METAP1D: variants seen among roughly 807,000 people sequenced by gnomAD.
The protein encoded by METAP1D is methionyl aminopeptidase type 1D, mitochondrial.
A neutral mutation model predicts 40.5 loss-of-function variants in METAP1D; 31 were observed. That is an observed-to-expected ratio of 0.77 (90% CI 0.58 to 1.03). The LOEUF (loss-of-function observed/expected upper bound fraction) is 1.03. Ranked by LOEUF, METAP1D falls within the 50% of genes least tolerant of loss-of-function variation. The pLI is 0.00. For synonymous variants in METAP1D, 151 were observed against 146.4 expected, an observed-to-expected ratio of 1.03 and a Z score of -0.22; for missense variants, 411 against 420.7, an observed-to-expected ratio of 0.98 and a Z score of 0.20.
At position 172,000,028 on chromosome 2, in the gene METAP1D, G is replaced by T. The variant is rs369431181; in HGVS notation, c.40+19G>T. The T allele has an allele frequency of 6.2e-4, 809 of 1,306,482 alleles. No individual in the cohort carries two copies. The highest frequency in any genetic ancestry group is 7.3e-4 in the Non-Finnish European group (741 of 1,017,520). The allele number at this position is 1,306,482 out of a possible 1,614,324, so 80.9% of individuals were successfully genotyped here. A position where few individuals can be genotyped will look rare whatever the true frequency, so the allele number is the denominator to read the frequency against. ...CGCAGAGGTAAGCGCGTGGAGGAGA[G>T]CCCCGTGAGGGTTCGCACGGTTGCT... On this transcript the variant is annotated intron_variant, in intron 1 of 9. Coordinates refer to ENST00000315796, the MANE Select transcript of METAP1D (RefSeq NM_199227.3).
At chr2:172,072,345 C>T (rs983144774) in intron 6 of METAP1D, 1 of 167,224 alleles carries the variant, frequency 6.0e-6, no homozygotes, top group Admixed American at 6.5e-5. Flanking sequence ...AAAATTTATT[C>T]TTCAGTAGAA....
intron 1 of METAP1D, among the ~76,000 whole-genome samples, chr2:172,018,703 A>G (rs1688936294): frequency 6.6e-6 from 1 of 152,120 alleles, no homozygotes; most frequent in Non-Finnish European, 1.5e-5. Flanking sequence ...GATTAAGTGA[A>G]CAACTGCATA....
At chr2:172,043,260 C>CA (rs1361371137) in intron 1 of METAP1D, among the ~76,000 whole-genome samples, 4 of 129,998 alleles carry the variant, frequency 3.1e-5, no homozygotes, top group East Asian at 4.0e-4. Flanking sequence ...CAGATCCTTA[C>CA]AAAAAAAATA....
At chr2:172,075,465 C>A (rs370017216) in intron 6 of METAP1D, among the ~76,000 whole-genome samples, 1 of 152,154 alleles carries the variant, frequency 6.6e-6, no homozygotes, top group South Asian at 2.1e-4. Flanking sequence ...TTTCCATTTT[C>A]CCCAGCATGC....
intron 6 of METAP1D, among the ~76,000 whole-genome samples, chr2:172,071,860 C>G (rs965233148): frequency 1.3e-5 from 2 of 152,104 alleles, no homozygotes; most frequent in Non-Finnish European, 2.9e-5. Flanking sequence ...TCCCATTTGT[C>G]TAAAGGATGG....
chr2:172,016,298 A>ATATATATATATATATAT (rs1246120334), intron 1 of METAP1D, among the ~76,000 whole-genome samples: 1 of 57,908 alleles, frequency 1.7e-5, no homozygotes, highest in Non-Finnish European at 3.7e-5. Flanking sequence ...AAAAAAAAAA[A>ATATATATATATATATAT]AAATATATAT....
chr2:172,059,625 T>C (rs1391578041), intron 1 of METAP1D, among the ~76,000 whole-genome samples: 3 of 152,228 alleles, frequency 2.0e-5, no homozygotes, highest in Non-Finnish European at 4.4e-5. Flanking sequence ...AAAGTTTTTT[T>C]CAACCATTTA....
Position 172,080,550 on chromosome 2 carries a change from G to C in METAP1D, c.*144G>C. 1 of 809,138 alleles carries C rather than the reference G, an allele frequency of 1.2e-6. No individual in the cohort carries two copies. Among genetic ancestry groups the C allele is most frequent in the Non-Finnish European group, 2.0e-6 (1 of 503,400 alleles). 50.1% of individuals were successfully genotyped at this position (809,138 alleles called of 1,614,324 possible). A position where few individuals can be genotyped will look rare whatever the true frequency, so the allele number is the denominator to read the frequency against. On this transcript the variant is annotated 3_prime_UTR_variant, in exon 10 of 10. Coordinates refer to ENST00000315796, the MANE Select transcript of METAP1D (RefSeq NM_199227.3). ...CTGATAGCGTTTGGAAGAACGCGGG[G>C]GAGACTGAAGAGCAACTGGGAACTC...
rs1019762014 is a variant in METAP1D at position 172,028,397 on chromosome 2, G to A, written c.40+28388G>A. ...CAGAGGGAGGTGGGGTCAGACCATT[G>A]CAGGCCCTCAAGGCCATAATGGGAA... On this transcript the variant is annotated intron_variant, in intron 1 of 9. Coordinates refer to ENST00000315796, the MANE Select transcript of METAP1D (RefSeq NM_199227.3). 6.9e-4 allele frequency among the ~76,000 whole-genome samples: 105 copies of A among 152,196 alleles called. 1 individual carries two copies. The highest frequency in any genetic ancestry group is 2.4e-3 in the African/African-American group (99 of 41,432).
intron 1 of METAP1D, among the ~76,000 whole-genome samples, chr2:172,022,480 T>A (rs1689030418): frequency 6.6e-6 from 1 of 152,182 alleles, no homozygotes; most frequent in Non-Finnish European, 1.5e-5. Context: ...ACAAAAAGAA[T>A]GACAGCAGTT....
At chr2:172,038,323 A>G (rs1443942919) in intron 1 of METAP1D, among the ~76,000 whole-genome samples, 1 of 152,178 alleles carries the variant, frequency 6.6e-6, no homozygotes, top group African/African-American at 2.4e-5. Context: ...CACATTGTTT[A>G]TGTCGGAAAA....
intron 1 of METAP1D, among the ~76,000 whole-genome samples, chr2:172,017,291 A>G (rs1688892639): frequency 6.6e-6 from 1 of 151,138 alleles, no homozygotes; most frequent in Non-Finnish European, 1.5e-5. Context: ...ATATATACAC[A>G]TATATAAAAC....
chr2:172,077,950 T>G (rs926534561), intron 7 of METAP1D, 56 bp downstream of exon 7: 4 of 1,000,420 alleles, frequency 4.0e-6, no homozygotes, highest in Non-Finnish European at 6.3e-6. Flanking sequence ...TGTGGCAGCT[T>G]TGACCCTGAA....
intron 1 of METAP1D, among the ~76,000 whole-genome samples, chr2:172,033,779 T>C (rs1339481523): frequency 2.0e-5 from 3 of 151,786 alleles, no homozygotes; most frequent in Non-Finnish European, 4.4e-5. Flanking sequence ...TATTAAACCA[T>C]TAAAAAGAGT....
In METAP1D at chr2:172,012,601, G is replaced by A. The variant is rs1158048785; in HGVS notation, c.40+12592G>A. 2.0e-5 allele frequency among the ~76,000 whole-genome samples: 3 copies of A among 152,166 alleles called. No homozygotes were observed. In the South Asian group the frequency reaches 6.2e-4, roughly 32 times the overall value. ...AATCACAGCTGCGGAAGACAGTCTC[G>A]CAAAGCCAGTTTTTGTGGCTTAGTA... is the stretch of plus-strand genomic sequence containing the variant. On this transcript the variant is annotated intron_variant, in intron 1 of 9. Coordinates refer to ENST00000315796, the MANE Select transcript of METAP1D (RefSeq NM_199227.3).
intron 8 of METAP1D, 27 bp from the exon 9 acceptor site, chr2:172,080,101 C>T: frequency 6.3e-7 from 1 of 1,582,644 alleles, no homozygotes. Flanking sequence ...GATGAGGTCA[C>T]TGCAGTAAAT....
intron 2 of METAP1D, among the ~76,000 whole-genome samples, chr2:172,062,637 A>AGCATTTGTGG (rs71015614): frequency 0.045 from 6,784 of 152,154 alleles, 192 homozygotes; most frequent in African/African-American, 0.066. Context: ...AGACCTGGTG[A>AGCATTTGTGG]GCATTTGTGG....
intron 3 of METAP1D, 149 bp downstream of exon 3, chr2:172,064,009 G>A (rs2105479147): frequency 2.9e-6 from 3 of 1,020,504 alleles, no homozygotes; most frequent in East Asian, 6.3e-5. Context: ...TAAAAATTAA[G>A]TAAAGCCTTG....
chr2:172,069,683 T>A (rs1408717709), intron 5 of METAP1D, among the ~76,000 whole-genome samples: 1 of 152,214 alleles, frequency 6.6e-6, no homozygotes. Context: ...AAAACACTAT[T>A]CTGTTGCAAG....
Sources: gnomAD v4.1 joint callset for allele counts (sites outside exome capture counted in the v4.1 genomes callset) on GRCh38, gnomAD v4.1.1 for gene constraint, MANE v1.5 for transcripts, NCBI Gene and HGNC (gene_info 2026-07-23, HGNC 2026-07-21) for gene names.